The following LRMDA variants were observed in gnomAD, a reference collection of about 807,000 sequenced individuals.
LRMDA encodes the protein leucine-rich melanocyte differentiation-associated protein.
A neutral mutation model predicts 29.8 loss-of-function variants in LRMDA; 18 were observed. That is an observed-to-expected ratio of 0.60 (90% CI 0.42 to 0.90). The LOEUF (loss-of-function observed/expected upper bound fraction) is 0.90, where lower values mean the gene tolerates loss of function less well. Among genes scored for constraint, LRMDA ranks in the 40% least tolerant of loss-of-function variants. The pLI is 0.00. For synonymous variants in LRMDA, 125 were observed against 109.4 expected (o/e 1.14, Z -0.89); for missense variants, 273 against 273.9 (o/e 1.00, Z 0.02).
chr10:76,134,072 A>C (rs12355465), intron 5 of LRMDA, among the ~76,000 whole-genome samples: 105,864 of 152,124 alleles, frequency 0.7, 37,386 homozygotes, highest in East Asian at 0.85. Context: ...ATTACAGCAT[A>C]ATCTCAGAGA....
chr10:75,984,070 C>T lies in LRMDA; in HGVS notation c.132-51938C>T, dbSNP rs555276638. Among the ~76,000 whole-genome samples the T allele has an allele frequency of 9.9e-5, 15 of 152,272 alleles. No homozygotes were observed. In the South Asian group the frequency reaches 1.0e-3, roughly 11 times the overall value. ...GGGAGTGAACAGGGAAGGAACTAGC[C>T]GTGCACCACAAGGTCGTGTGAGAAT... On this transcript the variant is annotated intron_variant, in intron 2 of 6. Transcript: ENST00000611255.
intron 2 of LRMDA, among the ~76,000 whole-genome samples, chr10:75,988,510 T>A (rs1403960006): frequency 6.6e-6 from 1 of 151,690 alleles, no homozygotes; most frequent in Admixed American, 6.6e-5. Flanking sequence ...TAGAAAAACA[T>A]AAGACCACCC....
At chr10:76,259,729 A>G (rs986267255) in intron 5 of LRMDA, among the ~76,000 whole-genome samples, 5 of 148,586 alleles carry the variant, frequency 3.4e-5, no homozygotes, top group Non-Finnish European at 5.9e-5. Context: ...TATTTGTTAC[A>G]TATATATATA....
At chr10:76,363,176 A>AGAAAGAAGGAGGGAGGGAG (rs1459442138) in intron 6 of LRMDA, among the ~76,000 whole-genome samples, 1 of 21,750 alleles carries the variant, frequency 4.6e-5, no homozygotes, top group Non-Finnish European at 1.2e-4. Context: ...AAAGAAAGAA[A>AGAAAGAAGGAGGGAGGGAG]GGAGGGAGGG....
At chr10:75,657,199 C>T (rs1841687582) in intron 2 of LRMDA, among the ~76,000 whole-genome samples, 1 of 152,160 alleles carries the variant, frequency 6.6e-6, no homozygotes. Context: ...AACCAGCATA[C>T]AGAAAACAAT....
At chr10:76,432,295 C>T (rs2132284212) in intron 6 of LRMDA, among the ~76,000 whole-genome samples, 1 of 152,230 alleles carries the variant, frequency 6.6e-6, no homozygotes, top group Non-Finnish European at 1.5e-5. Context: ...GAGCCCTGAG[C>T]TGTAGGGCTG....
intron 6 of LRMDA, among the ~76,000 whole-genome samples, chr10:76,337,163 C>T (rs186774495): frequency 5.3e-5 from 8 of 152,242 alleles, no homozygotes; most frequent in South Asian, 2.1e-4. Flanking sequence ...TTTATTAATT[C>T]ATTCAAGAGA....
intron 6 of LRMDA, among the ~76,000 whole-genome samples, chr10:76,543,282 A>G (rs1017572144): frequency 6.6e-6 from 1 of 150,660 alleles, no homozygotes; most frequent in Non-Finnish European, 1.5e-5. Flanking sequence ...GATTGCCCCC[A>G]TGATTGGAGA....
intron 2 of LRMDA, among the ~76,000 whole-genome samples, chr10:75,773,844 A>G (rs1843274646): frequency 6.6e-6 from 1 of 152,220 alleles, no homozygotes; most frequent in South Asian, 2.1e-4. Context: ...TCTAATGCTC[A>G]CATTACTTAC....
chr10:76,368,536 G>C (rs1841418319), intron 6 of LRMDA, among the ~76,000 whole-genome samples: 1 of 152,090 alleles, frequency 6.6e-6, no homozygotes, highest in South Asian at 2.1e-4. Context: ...GTCTATCTTG[G>C]AGAAAGTTCC....
In LRMDA at chr10:76,496,555, T is replaced by C. The variant is rs1396764614; in HGVS notation, c.602-60654T>C. ...GGGTGGAGGGTGGGTATGAAAGTGA[T>C]TCCTGTTAGTTTATCTGGTTGGAAT... On this transcript the variant is annotated intron_variant, in intron 6 of 6. Transcript: ENST00000611255. Among the ~76,000 whole-genome samples, 6 of 75,684 alleles carry C rather than the reference T, an allele frequency of 7.9e-5. 2 individuals carry two copies. Among genetic ancestry groups the C allele is most frequent in the Non-Finnish European group, 2.2e-4 (5 of 22,774 alleles). The allele number at this position is 75,684 out of a possible 152,430, so 49.7% of individuals were successfully genotyped here.
At chr10:75,747,779 C>G (rs1396686418) in intron 2 of LRMDA, among the ~76,000 whole-genome samples, 1 of 152,154 alleles carries the variant, frequency 6.6e-6, no homozygotes, top group Non-Finnish European at 1.5e-5. Flanking sequence ...GTAGCTTTCC[C>G]AGGCTGAGTG....
chr10:76,042,423 C>G (rs1848356968), intron 3 of LRMDA, among the ~76,000 whole-genome samples: 1 of 152,148 alleles, frequency 6.6e-6, no homozygotes, highest in South Asian at 2.1e-4. Flanking sequence ...CCAGGAAAGT[C>G]CCATGATCAG....
At chr10:76,455,731 T>C (rs1340526391) in intron 6 of LRMDA, among the ~76,000 whole-genome samples, 1 of 152,146 alleles carries the variant, frequency 6.6e-6, no homozygotes, top group Admixed American at 6.5e-5. Context: ...TTGTCTGGCA[T>C]AGATGTGTAG....
chr10:75,820,588 C>CCTAGAAAAACAAGAACAAA (rs1303430930), intron 2 of LRMDA, among the ~76,000 whole-genome samples: 9 of 151,996 alleles, frequency 5.9e-5, no homozygotes, highest in Non-Finnish European at 1.2e-4. Context: ...TAACCTTATA[C>CCTAGAAAAACAAGAACAAA]CTAGAAAAAC....
chr10:75,949,776 G>A (rs543562520), intron 2 of LRMDA, among the ~76,000 whole-genome samples: 57 of 152,252 alleles, frequency 3.7e-4, no homozygotes, highest in African/African-American at 1.3e-3. Context: ...GGAAGCCAGA[G>A]ATGCAACCTT....
intron 2 of LRMDA, among the ~76,000 whole-genome samples, chr10:75,586,362 TTTTTTTTA>T (rs1350406445): frequency 4.4e-5 from 6 of 135,760 alleles, no homozygotes; most frequent in Non-Finnish European, 4.7e-5. Flanking sequence ...TTTTTTTTTT[TTTTTTTTA>T]AATTAGAGAC....
intron 6 of LRMDA, chr10:76,346,463 A>G (rs1380072201): frequency 6.6e-6 from 1 of 152,184 alleles, no homozygotes; most frequent in East Asian, 1.9e-4. Context: ...ATCCACAGTA[A>G]ACTTGCTGTA....
At chr10:75,732,139 G>T (rs966504003) in intron 2 of LRMDA, among the ~76,000 whole-genome samples, 1 of 152,120 alleles carries the variant, frequency 6.6e-6, no homozygotes, top group African/African-American at 2.4e-5. Context: ...ATTTTTATCA[G>T]TTGGTTCAAC....
Sources: gnomAD v4.1 joint callset for allele counts (sites outside exome capture counted in the v4.1 genomes callset) on GRCh38, gnomAD v4.1.1 for gene constraint, MANE v1.5 for transcripts, NCBI Gene and HGNC (gene_info 2026-07-23, HGNC 2026-07-21) for gene names.